SP4: variants seen among roughly 807,000 people sequenced by gnomAD.
The protein encoded by SP4 is Sp4 transcription factor.
Under a neutral mutation model 72.8 loss-of-function variants are expected in SP4, and 19 were observed. The observed-to-expected ratio is 0.26, with a 90% CI of 0.18 to 0.38. The LOEUF (loss-of-function observed/expected upper bound fraction) is 0.38, where lower values mean the gene tolerates loss of function less well. SP4 is among the 10% of genes least tolerant of loss of function. SP4 has a pLI of 1.00. For synonymous variants in SP4, 395 were observed against 333.1 expected, an observed-to-expected ratio of 1.19 and a Z score of -2.02; for missense variants, 1,008 against 926.3, an observed-to-expected ratio of 1.09 and a Z score of -1.14.
intron 5 of SP4, among the ~76,000 whole-genome samples, chr7:21,508,970 T>A (rs1444410377): frequency 6.6e-6 from 1 of 152,120 alleles, no homozygotes; most frequent in African/African-American, 2.4e-5. Flanking sequence ...CCACGACAAA[T>A]TTATTCTAAT....
chr7:21,478,493 G>T (rs890156919), intron 4 of SP4, among the ~76,000 whole-genome samples: 3 of 125,026 alleles, frequency 2.4e-5, no homozygotes, highest in African/African-American at 8.7e-5. Flanking sequence ...CATCAATAGG[G>T]TATGAAGGTT....
At chr7:21,470,910 G>C in intron 3 of SP4, 1 of 377,290 alleles carries the variant, frequency 2.7e-6, no homozygotes, top group South Asian at 2.2e-5. Flanking sequence ...ACAATACCAA[G>C]AAATTTTGAG....
At chr7:21,510,977 C>A (rs1163540783) in intron 5 of SP4, 45 bp from the exon 6 acceptor site, 30 of 1,538,168 alleles carry the variant, frequency 2.0e-5, no homozygotes, top group Non-Finnish European at 2.5e-5. Flanking sequence ...TATAATTTCA[C>A]TTAAGCAAAA....
At chr7:21,450,100 T>C (rs1239975473) in intron 3 of SP4, among the ~76,000 whole-genome samples, 1 of 152,138 alleles carries the variant, frequency 6.6e-6, no homozygotes, top group East Asian at 1.9e-4. Context: ...AACTTGTTTT[T>C]ATGTTTTTTT....
At chr7:21,465,612 G>A (rs1562605141) in intron 3 of SP4, among the ~76,000 whole-genome samples, 1 of 152,170 alleles carries the variant, frequency 6.6e-6, no homozygotes, top group Non-Finnish European at 1.5e-5. Context: ...GGAAGGATGG[G>A]CATAATACCT....
intron 3 of SP4, among the ~76,000 whole-genome samples, chr7:21,452,310 T>C (rs1022718001): frequency 5.3e-5 from 8 of 152,242 alleles, no homozygotes; most frequent in African/African-American, 1.7e-4. Flanking sequence ...CTTTTAAAAT[T>C]GGCTTTGATG....
rs1401230170 is a variant in SP4 at position 21,477,005 on chromosome 7, A to G, written c.1679-74A>G. ...TTGTTAGAAAAAATTTATTATGCAC[A>G]TAGATTTTTTTTTTTAATCCTTTCT... On this transcript the variant is annotated intron_variant, in intron 3 of 5. Coordinates refer to ENST00000222584, the MANE Select transcript of SP4 (RefSeq NM_003112.5). 9.0e-6 allele frequency: 10 copies of G among 1,109,692 alleles called. No homozygotes were observed. In the South Asian group the frequency reaches 9.1e-5, roughly 10 times the overall value. The allele number at this position is 1,109,692 out of a possible 1,614,324, so 68.7% of individuals were successfully genotyped here. A position where few individuals can be genotyped will look rare whatever the true frequency, so the allele number is the denominator to read the frequency against.
At chr7:21,460,620 G>A (rs1421747598) in intron 3 of SP4, among the ~76,000 whole-genome samples, 4 of 152,146 alleles carry the variant, frequency 2.6e-5, no homozygotes, top group African/African-American at 9.7e-5. Context: ...CCCACATCCT[G>A]CTGATTGGCC....
At chr7:21,451,675 C>T (rs924680718) in intron 3 of SP4, among the ~76,000 whole-genome samples, 1 of 152,122 alleles carries the variant, frequency 6.6e-6, no homozygotes, top group African/African-American at 2.4e-5. Flanking sequence ...GTCTAGGAGT[C>T]CCCTATAGAA....
At chr7:21,494,140 T>C (rs7810841) in intron 5 of SP4, among the ~76,000 whole-genome samples, 109,550 of 152,034 alleles carry the variant, frequency 0.72, 39,793 homozygotes, top group African/African-American at 0.82. Context: ...CATCATTAAC[T>C]GGGTAAAGGG....
intron 5 of SP4, among the ~76,000 whole-genome samples, chr7:21,483,945 G>A (rs1784751681): frequency 6.6e-6 from 1 of 151,672 alleles, no homozygotes; most frequent in African/African-American, 2.4e-5. Flanking sequence ...GGGACAAAGG[G>A]AGAAATAAAA....
intron 5 of SP4, among the ~76,000 whole-genome samples, chr7:21,499,079 CAAAA>C (rs34565680): frequency 4.0e-5 from 4 of 99,574 alleles, no homozygotes; most frequent in East Asian, 2.9e-4. Flanking sequence ...GACTCTGTCT[CAAAA>C]AAAAAAAAAA....
At chr7:21,493,325 A>C (rs187240131) in intron 5 of SP4, among the ~76,000 whole-genome samples, 1 of 152,218 alleles carries the variant, frequency 6.6e-6, no homozygotes. Flanking sequence ...AAAAGTTTCA[A>C]GGGAAATTAG....
intron 3 of SP4, among the ~76,000 whole-genome samples, chr7:21,470,547 C>G (rs573619229): frequency 3.7e-4 from 56 of 152,264 alleles, no homozygotes; most frequent in Non-Finnish European, 4.1e-4. Context: ...CTAAACCTGA[C>G]TTTCCTTTCT....
intron 5 of SP4, among the ~76,000 whole-genome samples, chr7:21,494,844 T>A (rs987888359): frequency 6.6e-6 from 1 of 152,182 alleles, no homozygotes; most frequent in African/African-American, 2.4e-5. Flanking sequence ...CATAATTGGC[T>A]GATTTACACT....
At chr7:21,449,187 GC>G (rs1783514718) in intron 3 of SP4, among the ~76,000 whole-genome samples, 1 of 152,100 alleles carries the variant, frequency 6.6e-6, no homozygotes, top group African/African-American at 2.4e-5. Context: ...ATTCAAACTA[GC>G]CAACCCTAAG....
chr7:21,488,436 A>G (rs573299309), intron 5 of SP4, among the ~76,000 whole-genome samples: 31 of 150,368 alleles, frequency 2.1e-4, no homozygotes, highest in Non-Finnish European at 4.3e-4. Context: ...TCTAGTTTGC[A>G]GACATTTGAT....
Position 21,430,113 on chromosome 7 carries a change from A to T in SP4, c.948A>T (p.Glu316Asp). 6.2e-7 allele frequency: 1 copy of T among 1,614,112 alleles called. No individual in the cohort carries two copies. Among genetic ancestry groups the T allele is most frequent in the Non-Finnish European group, 8.5e-7 (1 of 1,180,028 alleles). ...CTACTTCTGCCAGTACTATGCCAGA[A>T]TCTCCCTCCTCCTCCACTACCTGCA... The part of the protein sequence containing the change: ...NTTTSASTMP[E>D]SPSSSTTCTT... Residue 316 changes from glutamate (E) to aspartate (D), a missense_variant, in exon 3 of 6, where the codon GAA becomes GAT. Physicochemically the swap from Glu to Asp is conservative, Grantham distance 45. Around this residue, in one of 3 missense-constraint regions of SP4, gnomAD observed 893 missense variants for 743.3 expected, o/e 1.20. Coordinates refer to ENST00000222584, the MANE Select transcript of SP4 (RefSeq NM_003112.5).
intron 3 of SP4, among the ~76,000 whole-genome samples, chr7:21,441,201 G>T (rs1783234739): frequency 6.6e-6 from 1 of 152,190 alleles, no homozygotes; most frequent in South Asian, 2.1e-4. Flanking sequence ...GATTGGTTTG[G>T]AAAGTGGACA....
Sources: allele counts gnomAD v4.1 joint callset (sites outside exome capture counted in the v4.1 genomes callset), GRCh38; gene constraint gnomAD v4.1.1; regional missense constraint gnomAD v4.1.1; transcripts MANE v1.5; gene names NCBI Gene and HGNC (gene_info 2026-07-23, HGNC 2026-07-21).